Variants in KLHDC4 observed in about 807,000 individuals in gnomAD.
KLHDC4 encodes the protein kelch domain-containing protein 4.
Under a neutral mutation model 62.4 loss-of-function variants are expected in KLHDC4, and 90 were observed. That is an observed-to-expected ratio of 1.44 (90% confidence interval 1.22 to 1.72). The LOEUF is 1.72. Among genes scored for constraint, KLHDC4 ranks in the 40% most tolerant of loss-of-function variants. The pLI, the probability that KLHDC4 is intolerant of heterozygous loss-of-function variation, is 0.00. For synonymous variants in KLHDC4, 386 were observed against 284.4 expected (o/e 1.36, Z -3.59); for missense variants, 1,025 against 699.7 (o/e 1.47, Z -5.25).
At position 87,736,676 on chromosome 16, in the gene KLHDC4, C is replaced by A. The variant is rs925232214; in HGVS notation, c.507-6032G>T. ...TTAGTAGCCGTCTCCAGAATTCAGG[C>A]AACTTATAAACCACACCCTTGTCTC... On this transcript the variant is annotated intron_variant, in intron 5 of 11. Transcript: ENST00000270583. 1.1e-4 allele frequency among the ~76,000 whole-genome samples: 17 copies of A among 152,310 alleles called. 1 individual carries two copies. In the East Asian group the frequency reaches 3.3e-3, roughly 29 times the overall value.
intron 5 of KLHDC4, among the ~76,000 whole-genome samples, chr16:87,746,472 G>A (rs2043059804): frequency 6.6e-6 from 1 of 152,330 alleles, no homozygotes; most frequent in African/African-American, 2.4e-5. Flanking sequence ...ACAACAGGCT[G>A]TGTCTCCTTA....
intron 7 of KLHDC4, among the ~76,000 whole-genome samples, chr16:87,717,859 T>A (rs1372243039): frequency 6.6e-6 from 1 of 151,952 alleles, no homozygotes; most frequent in African/African-American, 2.4e-5. Context: ...TGAACCGTCT[T>A]GTTTTGCTGA....
intron 5 of KLHDC4, among the ~76,000 whole-genome samples, chr16:87,741,619 T>G (rs2042256713): frequency 7.0e-6 from 1 of 143,874 alleles, no homozygotes; most frequent in African/African-American, 2.6e-5. Flanking sequence ...CCGAAAAGGG[T>G]GGGGACCATT....
chr16:87,709,705 A>G, intron 9 of KLHDC4, 38 bp from the exon 10 acceptor site: 1 of 1,524,952 alleles, frequency 6.6e-7, no homozygotes, highest in Non-Finnish European at 8.8e-7. Flanking sequence ...CAGCAGCTTC[A>G]GCGAGGCAGG....
chr16:87,720,629 G>C, intron 7 of KLHDC4, among the ~76,000 whole-genome samples: 1 of 152,356 alleles, frequency 6.6e-6, no homozygotes, highest in Middle Eastern at 3.4e-3. Context: ...GACCCATGAC[G>C]AGAGGACCCC....
intron 7 of KLHDC4, among the ~76,000 whole-genome samples, chr16:87,720,341 T>C (rs1331570617): frequency 6.6e-6 from 1 of 152,152 alleles, no homozygotes; most frequent in Non-Finnish European, 1.5e-5. Context: ...CAAGCGGACG[T>C]GTGTGAACAC....
At chr16:87,706,389 G>T (rs1303881424), downstream of KLHDC4, among the ~76,000 whole-genome samples, 1 of 130,762 alleles carries the variant, frequency 7.6e-6, no homozygotes, top group Non-Finnish European at 1.6e-5. Context: ...CGGCGTGGGG[G>T]GGTTGGTCGG....
In KLHDC4 at chr16:87,756,391, T is replaced by C. The variant is rs1001927016; in HGVS notation, c.270+8A>G. The C allele has an allele frequency of 3.8e-6, 6 of 1,596,260 alleles. No homozygotes were observed. The highest frequency in any genetic ancestry group is 1.3e-5 in the African/African-American group (1 of 74,554). On this transcript the variant is annotated splice_region_variant and intron_variant, in intron 3 of 11. Coordinates refer to ENST00000270583, the MANE Select transcript of KLHDC4 (RefSeq NM_017566.4). ...CATGGGAAGAAAAGAAAAAAATATA[T>C]ACTTTACTTTTTGGCCGTTGAAATA... is the stretch of plus-strand genomic sequence containing the variant.
At chr16:87,751,507 G>T (rs1015347725) in intron 4 of KLHDC4, among the ~76,000 whole-genome samples, 4 of 151,856 alleles carry the variant, frequency 2.6e-5, no homozygotes, top group African/African-American at 9.7e-5. Context: ...AACTTTATGT[G>T]CAGAGAAAAC....
chr16:87,744,381 C>G (rs965240583), intron 5 of KLHDC4, among the ~76,000 whole-genome samples: 4 of 150,794 alleles, frequency 2.7e-5, no homozygotes, highest in African/African-American at 9.8e-5. Flanking sequence ...CGCCACTGCA[C>G]TCCAGCCTGG....
intron 6 of KLHDC4, among the ~76,000 whole-genome samples, chr16:87,728,130 T>C (rs2039700258): frequency 6.6e-6 from 1 of 152,168 alleles, no homozygotes; most frequent in Non-Finnish European, 1.5e-5. Flanking sequence ...GAGGCTACAG[T>C]GAGCTGATCA....
At position 87,724,861 on chromosome 16, in the gene KLHDC4, C is replaced by T. The variant is rs148514306; in HGVS notation, c.759+1904G>A. ...TTTACCCAAGAGAAACCAACACACG[C>T]AGCCACTCAAAAGATTATTATGGAC... On this transcript the variant is annotated intron_variant, in intron 7 of 11. Coordinates refer to ENST00000270583, the MANE Select transcript of KLHDC4 (RefSeq NM_017566.4). Among the ~76,000 whole-genome samples the T allele has an allele frequency of 4.8e-3, 736 of 152,316 alleles. 3 individuals carry two copies. The highest frequency in any genetic ancestry group is 0.017 in the African/African-American group (693 of 41,552).
At chr16:87,745,347 C>G (rs2042887639) in intron 5 of KLHDC4, among the ~76,000 whole-genome samples, 1 of 152,300 alleles carries the variant, frequency 6.6e-6, no homozygotes, top group Middle Eastern at 3.4e-3. Flanking sequence ...CAGCACTGCT[C>G]TCGCAGCACC....
intron 9 of KLHDC4, chr16:87,710,978 C>T (rs190427071): frequency 1.4e-5 from 7 of 490,640 alleles, no homozygotes; most frequent in South Asian, 8.2e-5. Flanking sequence ...GGGGAGGTCC[C>T]GGGCACCTCA....
intron 1 of KLHDC4, among the ~76,000 whole-genome samples, chr16:87,764,478 G>A (rs1297761715): frequency 2.0e-5 from 3 of 151,718 alleles, no homozygotes; most frequent in South Asian, 2.1e-4. Flanking sequence ...GGTGAAACCC[G>A]GTCTCTATTA....
rs202236109 is a variant in KLHDC4, at chr16:87,711,444, C to T, written c.836-1G>A. 7.5e-6 allele frequency: 12 copies of T among 1,606,724 alleles called. No individual in the cohort carries two copies. The highest frequency in any genetic ancestry group is 1.3e-5 in the African/African-American group (1 of 74,800). ...TTCATCCGAGTCCAAACCCACTTGT[C>T]TGTCAAAAGAGAACAAGGAAGTGGG... On this transcript the variant is annotated splice_acceptor_variant, in intron 8 of 11. Transcript: ENST00000270583. LOFTEE classifies it high-confidence loss of function.
In KLHDC4 at chr16:87,709,538, C is replaced by A. The variant is rs1295162369; in HGVS notation, c.1174G>T (p.Asp392Tyr). ...VQLVKEVVAE[D>Y]GTVVTIKQVL... is the part of the protein sequence containing the mutation. Reference sequence around the variant, plus strand: ...TGCTTAATGGTGACCACGGTGCCATCCTCGGCCACCACCTCCTTGACCAGC... The same window carrying A: ...TGCTTAATGGTGACCACGGTGCCATACTCGGCCACCACCTCCTTGACCAGC... Residue 392 changes from aspartate to tyrosine, a missense_variant, in exon 10 of 12, where the codon GAT (aspartate) becomes TAT (tyrosine). Transcript: ENST00000270583. 6.2e-7 allele frequency: 1 copy of A among 1,612,548 alleles called. No individual in the cohort carries two copies. The highest frequency in any genetic ancestry group is 1.7e-5 in the Admixed American group (1 of 60,004).
chr16:87,764,597 G>C (rs2046336755), intron 1 of KLHDC4, among the ~76,000 whole-genome samples: 1 of 128,920 alleles, frequency 7.8e-6, no homozygotes, highest in Non-Finnish European at 1.6e-5. Flanking sequence ...GCAGTGAGCT[G>C]AGATCGCACC....
chr16:87,728,949 T>A (rs1317669931), intron 6 of KLHDC4, among the ~76,000 whole-genome samples: 1 of 152,196 alleles, frequency 6.6e-6, no homozygotes, highest in Non-Finnish European at 1.5e-5. Flanking sequence ...TAATTTTTTG[T>A]ATTTTTTAGT....
Sources: gnomAD v4.1 joint callset for allele counts (sites outside exome capture counted in the v4.1 genomes callset) on GRCh38, gnomAD v4.1.1 for gene constraint, MANE v1.5 for transcripts, NCBI Gene and HGNC (gene_info 2026-07-23, HGNC 2026-07-21) for gene names.